Variants in FHIT observed in about 807,000 individuals in gnomAD.
The protein encoded by FHIT is fragile histidine triad diadenosine triphosphatase, also known as bis(5'-adenosyl)-triphosphatase.
In FHIT, 19 loss-of-function variants were observed where a neutral mutation model predicts 17.9. The observed-to-expected ratio is 1.06, with a 90% confidence interval of 0.74 to 1.56. The LOEUF is 1.56. FHIT is among the 40% of genes most tolerant of loss of function. The probability of loss-of-function intolerance (pLI) is 0.00; values close to 1 mark genes in which losing one functional copy is unlikely to be tolerated. For synonymous variants in FHIT, 81 were observed against 69.7 expected (o/e 1.16, Z -0.81); for missense variants, 248 against 189.2 (o/e 1.31, Z -1.82).
intron 7 of FHIT, among the ~76,000 whole-genome samples, chr3:59,995,456 G>A (rs1699467005): frequency 6.6e-6 from 1 of 152,080 alleles, no homozygotes; most frequent in African/African-American, 2.4e-5. Flanking sequence ...TGTGAACTGA[G>A]AGCTTGGCTT....
chr3:59,750,694 TA>T (rs1167435265), intron 9 of FHIT: 1 of 216,556 alleles, frequency 4.6e-6, no homozygotes, highest in African/African-American at 2.3e-5. Flanking sequence ...TGAACAACAA[TA>T]GGGGGCAAGG....
chr3:60,029,501 C>T (rs1252334797), intron 5 of FHIT, among the ~76,000 whole-genome samples: 1 of 152,302 alleles, frequency 6.6e-6, no homozygotes, highest in East Asian at 1.9e-4. Context: ...TATATGCAGT[C>T]TCTCTCCAGA....
chr3:60,103,429 C>A (rs1011084644), intron 5 of FHIT, among the ~76,000 whole-genome samples: 1 of 152,116 alleles, frequency 6.6e-6, no homozygotes, highest in African/African-American at 2.4e-5. Context: ...TGCTTTTACA[C>A]GTTTTAGACA....
At chr3:61,248,135 A>T (rs1390775145) in intron 1 of FHIT, among the ~76,000 whole-genome samples, 3 of 152,206 alleles carry the variant, frequency 2.0e-5, no homozygotes, top group Non-Finnish European at 4.4e-5. Flanking sequence ...GTAACCTCCT[A>T]CATCTTATAT....
chr3:60,878,676 T>C (rs1553757150), intron 3 of FHIT, among the ~76,000 whole-genome samples: 1 of 152,038 alleles, frequency 6.6e-6, no homozygotes, highest in East Asian at 1.9e-4. Context: ...TGTGTGATGT[T>C]CCCCTTCCTG....
At chr3:60,592,139 T>C (rs2107697495) in intron 4 of FHIT, among the ~76,000 whole-genome samples, 1 of 149,660 alleles carries the variant, frequency 6.7e-6, no homozygotes, top group African/African-American at 2.4e-5. Flanking sequence ...GAACTCCACA[T>C]TGTATCAAAA....
At position 60,508,062 on chromosome 3, in the gene FHIT, G is replaced by A. The variant is rs139164936; in HGVS notation, c.103+28798C>T. 4.2e-3 allele frequency among the ~76,000 whole-genome samples: 635 copies of A among 152,284 alleles called. 9 individuals are homozygous for A. The highest frequency in any genetic ancestry group is 0.036 in the South Asian group (176 of 4,824). The stretch of plus-strand genomic sequence containing the variant: ...AGTAAGGAGTTCTTCATCAGTTTGT[G>A]TTTGATAAAGCTCTGACTGCTAGCT... On this transcript the variant is annotated intron_variant, in intron 5 of 9. Coordinates refer to ENST00000492590, the MANE Select transcript of FHIT (RefSeq NM_002012.4).
rs142469062 is a variant in FHIT at position 61,186,828 on chromosome 3, C to T, written c.-164+13789G>A. Among the ~76,000 whole-genome samples the T allele has an allele frequency of 4.3e-3, 659 of 152,288 alleles. 7 individuals carry two copies. Among genetic ancestry groups the T allele is most frequent in the African/African-American group, 0.015 (633 of 41,556 alleles). ...TAGTTGCAAGATTCAGAACTCTGAA[C>T]TCTCTTCACCCACTCCTTACAAGCT... On this transcript the variant is annotated intron_variant, in intron 2 of 9. Transcript: ENST00000492590.
In FHIT at chr3:59,754,430, G is replaced by A. The variant is rs974203638; in HGVS notation, c.349-2109C>T. On this transcript the variant is annotated intron_variant, in intron 8 of 9. Coordinates refer to ENST00000492590, the MANE Select transcript of FHIT (RefSeq NM_002012.4). The stretch of plus-strand genomic sequence containing the variant: ...TGCAGTTGCTACAGGCAAGGCAAAC[G>A]GGATTGCTATTCTTCTACTCAAGAA... Among the ~76,000 whole-genome samples, 8 of 152,278 alleles carry A rather than the reference G, an allele frequency of 5.3e-5. No homozygotes were observed. In the South Asian group the frequency reaches 6.2e-4, roughly 12 times the overall value.
intron 5 of FHIT, among the ~76,000 whole-genome samples, chr3:60,414,807 G>A (rs1341233221): frequency 1.3e-5 from 2 of 152,156 alleles, no homozygotes; most frequent in Admixed American, 1.3e-4. Flanking sequence ...TTGTAAGAAT[G>A]ATCTAAATTA....
intron 5 of FHIT, among the ~76,000 whole-genome samples, chr3:60,193,178 G>A (rs769939312): frequency 5.9e-5 from 9 of 152,176 alleles, no homozygotes; most frequent in African/African-American, 9.7e-5. Flanking sequence ...GTCACTTTAC[G>A]AGAACTACTG....
rs200151952 is a variant in FHIT at position 60,641,006 on chromosome 3, CCT to C, written c.-17-104029_-17-104028del. On this transcript the variant is annotated intron_variant, in intron 4 of 9. Coordinates refer to ENST00000492590, the MANE Select transcript of FHIT (RefSeq NM_002012.4). ...ACCAGCCTGACCAACATGGTGAAAC[CCT>C]GTCTTTACCAAAAATACAAAATTTA... is the stretch of plus-strand genomic sequence containing the variant. Among the ~76,000 whole-genome samples, 1,043 of 151,948 alleles carry C rather than the reference CCT, an allele frequency of 6.9e-3. 13 individuals are homozygous for C. Among genetic ancestry groups the C allele is most frequent in the African/African-American group, 0.023 (964 of 41,444 alleles).
At chr3:60,735,165 C>G (rs1427789610) in intron 4 of FHIT, among the ~76,000 whole-genome samples, 6 of 152,146 alleles carry the variant, frequency 3.9e-5, no homozygotes, top group East Asian at 3.9e-4. Flanking sequence ...TTTCAGAGAG[C>G]CTGTATCTTT....
intron 2 of FHIT, among the ~76,000 whole-genome samples, chr3:61,140,858 T>C (rs906388879): frequency 6.6e-6 from 1 of 152,238 alleles, no homozygotes; most frequent in Non-Finnish European, 1.5e-5. Context: ...TCTGCTTTAA[T>C]TAGTATGCTC....
chr3:59,914,914 A>T (rs1705058840), intron 8 of FHIT, among the ~76,000 whole-genome samples: 1 of 152,048 alleles, frequency 6.6e-6, no homozygotes, highest in Admixed American at 6.6e-5. Flanking sequence ...TAGCAGGTTA[A>T]CTCCAAACTT....
intron 3 of FHIT, among the ~76,000 whole-genome samples, chr3:60,888,499 C>T (rs6772360): frequency 0.28 from 41,747 of 150,126 alleles, 6,916 homozygotes; most frequent in African/African-American, 0.47. Flanking sequence ...AATTTTCTTT[C>T]TAAGAAAAAA....
chr3:60,734,688 A>T (rs782241705), intron 4 of FHIT, among the ~76,000 whole-genome samples: 1 of 152,226 alleles, frequency 6.6e-6, no homozygotes, highest in Non-Finnish European at 1.5e-5. Flanking sequence ...ATTTTAGAGG[A>T]TAGATAACTT....
intron 5 of FHIT, among the ~76,000 whole-genome samples, chr3:60,337,351 G>A (rs1169218608): frequency 6.6e-6 from 1 of 151,896 alleles, no homozygotes; most frequent in African/African-American, 2.4e-5. Context: ...TCGGTTTCGT[G>A]GCTTTACTAC....
At chr3:60,606,008 A>C (rs552026622) in intron 4 of FHIT, among the ~76,000 whole-genome samples, 3 of 152,248 alleles carry the variant, frequency 2.0e-5, no homozygotes, top group East Asian at 3.9e-4. Context: ...AAACCAGGGG[A>C]TGTTATCTCG....
Sources: allele counts gnomAD v4.1 joint callset (sites outside exome capture counted in the v4.1 genomes callset), GRCh38; gene constraint gnomAD v4.1.1; transcripts MANE v1.5; gene names NCBI Gene and HGNC (gene_info 2026-07-23, HGNC 2026-07-21).